The following MTERF3 variants were observed in gnomAD, a reference collection of about 807,000 sequenced individuals.
MTERF3 encodes the protein mitochondrial transcription termination factor 3, also known as transcription termination factor 3, mitochondrial.
In MTERF3, 40 loss-of-function variants were observed where a neutral mutation model predicts 40.5. The observed-to-expected ratio is 0.99, with a 90% confidence interval of 0.77 to 1.29. MTERF3 has a LOEUF of 1.29. MTERF3 is among the 50% of genes most tolerant of loss of function. The pLI, the probability that MTERF3 is intolerant of heterozygous loss-of-function variation, is 0.00. For missense variants in MTERF3, 452 were observed against 478.2 expected (o/e 0.95, Z 0.51); for synonymous variants, 158 against 166.6 (o/e 0.95, Z 0.40).
chr8:96,246,201 A>T, intron 5 of MTERF3, 106 bp downstream of exon 5: 1 of 1,104,278 alleles, frequency 9.1e-7, no homozygotes, highest in Non-Finnish European at 1.3e-6. Flanking sequence ...AAATACCAGG[A>T]ATTTATATGA....
At chr8:96,247,848 C>G (rs1413998189) in intron 4 of MTERF3, among the ~76,000 whole-genome samples, 1 of 151,820 alleles carries the variant, frequency 6.6e-6, no homozygotes, top group African/African-American at 2.4e-5. Context: ...GTCTCAGAGA[C>G]AGAACTAATT....
Position 96,239,963 on chromosome 8 carries a change from A to C in MTERF3, c.1060-278T>G. On this transcript the variant is annotated intron_variant, in intron 7 of 7. Transcript: ENST00000287025. ...CTCCAGAGACAGAGGAGAATGTGTT[A>C]AAAAAGCAAATCTTCGGCCGGGCGT... The C allele has an allele frequency of 5.0e-6, 3 of 599,664 alleles. No individual in the cohort carries two copies. The East Asian group carries it at 8.7e-5, about 17-fold the overall frequency. 37.1% of individuals were successfully genotyped at this position (599,664 alleles called of 1,614,324 possible).
chr8:96,257,747 T>C (rs1182557788), intron 2 of MTERF3, among the ~76,000 whole-genome samples: 12 of 152,220 alleles, frequency 7.9e-5, no homozygotes, highest in South Asian at 2.1e-4. Flanking sequence ...TCTTTTGTTC[T>C]GTTTTGTGCT....
chr8:96,245,726 C>T, intron 6 of MTERF3, 134 bp downstream of exon 6: 1 of 731,994 alleles, frequency 1.4e-6, no homozygotes, highest in Non-Finnish European at 2.2e-6. Context: ...AAGATAATTT[C>T]CTATTTCTCT....
chr8:96,240,143 G>A (rs1809897279), intron 7 of MTERF3, among the ~76,000 whole-genome samples: 2 of 152,042 alleles, frequency 1.3e-5, no homozygotes, highest in African/African-American at 4.8e-5. Context: ...AGCTACTCAG[G>A]AGGCTGAGGC....
intron 3 of MTERF3, 24 bp downstream of exon 3, chr8:96,256,938 T>C (rs371512836): frequency 2.5e-6 from 4 of 1,583,268 alleles, no homozygotes; most frequent in Non-Finnish European, 3.4e-6. Flanking sequence ...ATGCAAAAAG[T>C]ACTTGTAGTT....
At chr8:96,253,595 C>T (rs1053873616) in intron 3 of MTERF3, among the ~76,000 whole-genome samples, 6 of 152,104 alleles carry the variant, frequency 3.9e-5, no homozygotes, top group African/African-American at 1.4e-4. Context: ...AAATAAGGCT[C>T]CCCTAAGTTA....
chr8:96,245,284 C>G (rs1443452865), intron 6 of MTERF3, among the ~76,000 whole-genome samples: 1 of 152,178 alleles, frequency 6.6e-6, no homozygotes, highest in Admixed American at 6.5e-5. Flanking sequence ...ACTACTACAG[C>G]TTTATATACT....
In MTERF3 at chr8:96,250,926, G is replaced by A. The variant is rs748340355; in HGVS notation, c.657C>T (p.Asp219=). The change falls in exon 4 of 8, where the codon GAC becomes GAT. Residue 219 remains aspartate (D), a synonymous_variant. Coordinates refer to ENST00000287025, the MANE Select transcript of MTERF3 (RefSeq NM_015942.5). Reference sequence around the variant, plus strand: ...CCTACCTGGTCTTCAGATTTTCAAGGTCTTCAGAGAAAATTGCATGATTTT... The same window carrying A: ...CCTACCTGGTCTTCAGATTTTCAAGATCTTCAGAGAAAATTGCATGATTTT... ...LTKNHAIFSE[D]LENLKTRVAY... The A allele has an allele frequency of 3.7e-6, 6 of 1,608,484 alleles. No homozygotes were observed. The South Asian group carries it at 4.5e-5, about 12-fold the overall frequency.
intron 4 of MTERF3, among the ~76,000 whole-genome samples, chr8:96,248,374 A>C (rs1476420208): frequency 6.6e-6 from 1 of 152,256 alleles, no homozygotes; most frequent in African/African-American, 2.4e-5. Flanking sequence ...ACTGTACTAG[A>C]GTTAAAAAGA....
At position 96,244,654 on chromosome 8, in the gene MTERF3, G is replaced by A. The variant is rs904985360; in HGVS notation, c.898-574C>T. 9.9e-5 allele frequency among the ~76,000 whole-genome samples: 15 copies of A among 151,754 alleles called. 1 individual carries two copies. The highest frequency in any genetic ancestry group is 7.4e-5 in the Non-Finnish European group (5 of 67,944). On this transcript the variant is annotated intron_variant, in intron 6 of 7. Transcript: ENST00000287025. ...GACCTCAAGTGATCTGCCCACCTCGGCCTCCCATGCCAGGGTTACAGGCAT... is the reference window on the plus strand; with the variant it reads ...GACCTCAAGTGATCTGCCCACCTCGACCTCCCATGCCAGGGTTACAGGCAT...
In MTERF3 at chr8:96,258,506, C is replaced by G; in HGVS notation, c.185G>C (p.Arg62Thr). 1 of 1,614,148 alleles carries G rather than the reference C, an allele frequency of 6.2e-7. No homozygotes were observed. Among genetic ancestry groups the G allele is most frequent in the Non-Finnish European group, 8.5e-7 (1 of 1,180,010 alleles). The change falls in exon 2 of 8, where the codon AGG becomes ACG. Residue 62 changes from arginine to threonine, a missense_variant. Physicochemically the swap from Arg to Thr is moderately conservative, Grantham distance 71. Transcript: ENST00000287025. ...CFLQWGFKTY[R>T]TSSLWNSSQS... ...GGAACTATTCCATAAGGAGGAAGTCCTGTAAGTCTTAAATCCCCACTGGAG... is the reference window on the plus strand; with the variant it reads ...GGAACTATTCCATAAGGAGGAAGTCGTGTAAGTCTTAAATCCCCACTGGAG...
At chr8:96,251,611 C>T (rs55671178) in intron 3 of MTERF3, among the ~76,000 whole-genome samples, 3,115 of 152,216 alleles carry the variant, frequency 0.02, 44 homozygotes, top group Non-Finnish European at 0.027. Context: ...GTCTTTAGCA[C>T]GGAGACACGT....
chr8:96,260,552 T>C (rs1452308513), intron 1 of MTERF3, among the ~76,000 whole-genome samples: 2 of 152,116 alleles, frequency 1.3e-5, no homozygotes, highest in East Asian at 3.8e-4. Flanking sequence ...GCTCTAACAT[T>C]TTTTGACGTC....
At chr8:96,253,227 A>G (rs1810218278) in intron 3 of MTERF3, among the ~76,000 whole-genome samples, 1 of 152,216 alleles carries the variant, frequency 6.6e-6, no homozygotes, top group Admixed American at 6.5e-5. Flanking sequence ...AGCAGCCTTA[A>G]GAGAACAAAC....
At chr8:96,259,539 A>G (rs1419098899) in intron 1 of MTERF3, among the ~76,000 whole-genome samples, 1 of 152,240 alleles carries the variant, frequency 6.6e-6, no homozygotes, top group Non-Finnish European at 1.5e-5. Flanking sequence ...CTCCAGGAAT[A>G]TGAAGGGATT....
intron 7 of MTERF3, among the ~76,000 whole-genome samples, chr8:96,240,105 G>T (rs1372850436): frequency 6.6e-6 from 1 of 152,132 alleles, no homozygotes; most frequent in Admixed American, 6.5e-5. Context: ...AAAATTAGCT[G>T]GGCGTGGTGG....
At position 96,244,066 on chromosome 8, in the gene MTERF3, T is replaced by A. The variant is rs199557277; in HGVS notation, c.912A>T (p.Glu304Asp). 1.2e-6 allele frequency: 2 copies of A among 1,611,740 alleles called. No homozygotes were observed. Among genetic ancestry groups the A allele is most frequent in the East Asian group, 4.5e-5 (2 of 44,868 alleles). Residue 304 changes from glutamate (E) to aspartate (D), a missense_variant, in exon 7 of 8, where the codon GAA (glutamate) becomes GAT (aspartate). Transcript: ENST00000287025. Reference sequence around the variant, plus strand: ...GAATTTCGTTATGTTTAAAACCAAGTTCAAGACGATAAACCTAAAAGAAAG... The same window carrying A: ...GAATTTCGTTATGTTTAAAACCAAGATCAAGACGATAAACCTAAAAGAAAG... ...VKENMKVYRL[E>D]LGFKHNEIQH...
At chr8:96,258,282 GC>G (rs1810317142) in intron 2 of MTERF3, 74 bp downstream of exon 2, 1 of 1,467,954 alleles carries the variant, frequency 6.8e-7, no homozygotes, top group African/African-American at 1.4e-5. Context: ...AAATGGGCTA[GC>G]AGAAGGTAAA....
Sources: gnomAD v4.1 joint callset for allele counts (sites outside exome capture counted in the v4.1 genomes callset) on GRCh38, gnomAD v4.1.1 for gene constraint, MANE v1.5 for transcripts, NCBI Gene and HGNC (gene_info 2026-07-23, HGNC 2026-07-21) for gene names.